Variants in PCDHGB1 observed in about 807,000 individuals in gnomAD.
PCDHGB1 encodes the protein protocadherin gamma subfamily B, 1, also known as protocadherin gamma-B1.
A neutral mutation model predicts 56.6 loss-of-function variants in PCDHGB1; 34 were observed. The ratio of observed to expected loss-of-function variants is 0.60; its 90% confidence interval spans 0.46 to 0.80. PCDHGB1 has a LOEUF of 0.80. Among genes scored for constraint, PCDHGB1 ranks in the 30% least tolerant of loss-of-function variants. The pLI, the probability that PCDHGB1 is intolerant of heterozygous loss-of-function variation, is 0.00. For missense variants in PCDHGB1, 1,278 were observed against 1,204.6 expected, an observed-to-expected ratio of 1.06 and a Z score of -0.90; for synonymous variants, 561 against 505.9, an observed-to-expected ratio of 1.11 and a Z score of -1.46.
At chr5:141,389,235 TCA>T (rs2091656158) in intron 1 of PCDHGB1, 4 of 1,614,080 alleles carry the variant, frequency 2.5e-6, no homozygotes, top group Non-Finnish European at 2.5e-6. Flanking sequence ...TCCGGTTTTC[TCA>T]CAGTCTTCCT....
Position 141,432,123 on chromosome 5 carries a change from C to T in PCDHGB1, c.2410-62684C>T. 6.2e-7 allele frequency: 1 copy of T among 1,614,172 alleles called. No homozygotes were observed. The highest frequency in any genetic ancestry group is 8.5e-7 in the Non-Finnish European group (1 of 1,180,042). ...GACAACCCGCCGGTCTTCCCTCAGGCCTCCTATTCCGCTTATATCCCAGAG... is the reference window on the plus strand; with the variant it reads ...GACAACCCGCCGGTCTTCCCTCAGGTCTCCTATTCCGCTTATATCCCAGAG... On this transcript the variant is annotated intron_variant, in intron 1 of 3. Coordinates refer to ENST00000523390, the MANE Select transcript of PCDHGB1 (RefSeq NM_018922.3). The surrounding 1 kb of genome is among the most constrained non-coding windows in gnomAD (Gnocchi z 6.0).
At chr5:141,472,778 G>T (rs1244170163) in intron 1 of PCDHGB1, among the ~76,000 whole-genome samples, 1 of 151,878 alleles carries the variant, frequency 6.6e-6, no homozygotes, top group Non-Finnish European at 1.5e-5. Flanking sequence ...CTGAGGTTGG[G>T]AGTTCAAGAT....
rs748506914 is a variant in PCDHGB1, at chr5:141,351,157, C to T, written c.897C>T (p.Thr299=). ...NLNPNTGDIT[T]NGTLDFEETS... is the part of the protein sequence containing the mutation. ...ATCCAAATACTGGCGACATCACAAC[C>T]AATGGCACATTGGATTTTGAAGAGA... is the stretch of plus-strand genomic sequence containing the variant. The change falls in exon 1 of 4, where the codon ACC becomes ACT. Residue 299 remains threonine, a synonymous_variant. Transcript: ENST00000523390. 4 of 1,614,010 alleles carry T rather than the reference C, an allele frequency of 2.5e-6. No individual in the cohort carries two copies. Among genetic ancestry groups the T allele is most frequent in the African/African-American group, 1.3e-5 (1 of 75,044 alleles).
At chr5:141,430,425 A>G (rs1298131518) in intron 1 of PCDHGB1, among the ~76,000 whole-genome samples, 3 of 152,076 alleles carry the variant, frequency 2.0e-5, no homozygotes, top group Non-Finnish European at 4.4e-5. Context: ...TAAAGCGAAT[A>G]CGGTAGATTT....
chr5:141,503,212 C>G (rs1227936455), intron 2 of PCDHGB1, among the ~76,000 whole-genome samples: 1 of 152,074 alleles, frequency 6.6e-6, no homozygotes, highest in African/African-American at 2.4e-5. Flanking sequence ...CAGTGCCCAC[C>G]ATGAGCACCG....
At chr5:141,505,563 T>C in intron 3 of PCDHGB1, 82 bp downstream of exon 3, 1 of 1,603,814 alleles carries the variant, frequency 6.2e-7, no homozygotes, top group Non-Finnish European at 8.5e-7. Flanking sequence ...GCCCACGGAC[T>C]GGATGTCAAA....
rs2099701571 is a variant in PCDHGB1, at chr5:141,490,550, A to G, written c.2410-4257A>G. On this transcript the variant is annotated intron_variant, in intron 1 of 3. Coordinates refer to ENST00000523390, the MANE Select transcript of PCDHGB1 (RefSeq NM_018922.3). This position sits in a 1 kb window ranked among gnomAD's most constrained non-coding sequence, Gnocchi z 5.4. ...GCTGGTTCACCTTCCCTACACAAACATCTCACCATCAGGCTCAACATTTCA... is the reference window on the plus strand; with the variant it reads ...GCTGGTTCACCTTCCCTACACAAACGTCTCACCATCAGGCTCAACATTTCA... 1 of 1,614,092 alleles carries G rather than the reference A, an allele frequency of 6.2e-7. No individual in the cohort carries two copies.
At chr5:141,374,109 A>C (rs1422319467) in intron 1 of PCDHGB1, 1 of 1,576,270 alleles carries the variant, frequency 6.3e-7, no homozygotes, top group Admixed American at 1.8e-5. Flanking sequence ...AGGCATCCGC[A>C]GCGCAGCGAG....
At chr5:141,360,154 A>G (rs1287127604) in intron 1 of PCDHGB1, 1 of 1,603,902 alleles carries the variant, frequency 6.2e-7, no homozygotes, top group South Asian at 1.1e-5. Flanking sequence ...GAGCTCAGGG[A>G]GGTGCGGGCT....
chr5:141,489,348 G>T lies in PCDHGB1; in HGVS notation c.2410-5459G>T. On this transcript the variant is annotated intron_variant, in intron 1 of 3. Coordinates refer to ENST00000523390, the MANE Select transcript of PCDHGB1 (RefSeq NM_018922.3). The surrounding 1 kb of genome is among the most constrained non-coding windows in gnomAD (Gnocchi z 4.5). ...CTGGGCAGCTTCGTTACTCAGTGGT[G>T]GAGGAGTCTGAGCCGGGGACGCTGG... is the stretch of plus-strand genomic sequence containing the variant. 1 of 1,611,876 alleles carries T rather than the reference G, an allele frequency of 6.2e-7. No homozygotes were observed. The highest frequency in any genetic ancestry group is 8.5e-7 in the Non-Finnish European group (1 of 1,178,502).
chr5:141,373,352 G>A (rs1311109117), intron 1 of PCDHGB1, among the ~76,000 whole-genome samples: 5 of 152,178 alleles, frequency 3.3e-5, no homozygotes, highest in Non-Finnish European at 7.3e-5. Context: ...CTCTTGTAAT[G>A]GGCACTGTAA....
chr5:141,372,653 T>A, intron 1 of PCDHGB1: 1 of 1,614,032 alleles, frequency 6.2e-7, no homozygotes. Context: ...ATTCCTACAA[T>A]CCGTGTGCTG....
chr5:141,410,796 G>T, intron 1 of PCDHGB1: 19 of 640,732 alleles, frequency 3.0e-5, no homozygotes, highest in South Asian at 1.4e-4. Flanking sequence ...TTCATAAGTT[G>T]CTCTATCTTT....
intron 1 of PCDHGB1, chr5:141,374,833 T>A (rs761729063): frequency 6.2e-7 from 1 of 1,613,930 alleles, no homozygotes; most frequent in East Asian, 2.2e-5. Context: ...ACCGTGTAAG[T>A]GTTCCTGAAA....
intron 1 of PCDHGB1, chr5:141,399,997 A>C (rs2093936203): frequency 6.2e-7 from 1 of 1,612,226 alleles, no homozygotes; most frequent in African/African-American, 1.3e-5. Context: ...AGAGGTGCGC[A>C]CAGCGCGTGC....
At chr5:141,458,563 G>T (rs1181785251) in intron 1 of PCDHGB1, among the ~76,000 whole-genome samples, 1 of 140,116 alleles carries the variant, frequency 7.1e-6, no homozygotes, top group Non-Finnish European at 1.5e-5. Context: ...TTTTGGTTTT[G>T]GGTTTTTGTT....
intron 1 of PCDHGB1, chr5:141,383,722 G>C (rs752091789): frequency 1.2e-6 from 2 of 1,613,934 alleles, no homozygotes; most frequent in East Asian, 4.5e-5. Flanking sequence ...GGGAGTCAAT[G>C]GGGAAGTGAC....
At chr5:141,420,483 T>C in intron 1 of PCDHGB1, 2 of 581,364 alleles carry the variant, frequency 3.4e-6, no homozygotes, top group Non-Finnish European at 5.2e-6. Context: ...GCAAACTACA[T>C]GGGTAATCTC....
chr5:141,478,418 C>A, intron 1 of PCDHGB1: 1 of 1,613,650 alleles, frequency 6.2e-7, no homozygotes, highest in Non-Finnish European at 8.5e-7. Context: ...GGACTCCCGC[C>A]GCAGCGACCC....
Sources: allele counts gnomAD v4.1 joint callset (sites outside exome capture counted in the v4.1 genomes callset), GRCh38; gene constraint gnomAD v4.1.1; non-coding constraint Gnocchi (gnomAD v3.1); transcripts MANE v1.5; gene names NCBI Gene and HGNC (gene_info 2026-07-23, HGNC 2026-07-21).